The following TRIP11 variants were observed in gnomAD, a reference collection of about 807,000 sequenced individuals.
The protein encoded by TRIP11 is thyroid receptor-interacting protein 11.
A neutral mutation model predicts 223.1 loss-of-function variants in TRIP11; 148 were observed. The observed-to-expected ratio is 0.66, with a 90% CI of 0.58 to 0.76. The LOEUF (loss-of-function observed/expected upper bound fraction) is 0.76, where lower values mean the gene tolerates loss of function less well. Ranked by LOEUF, TRIP11 falls within the 30% of genes least tolerant of loss-of-function variation. TRIP11 has a pLI of 0.00. For synonymous variants in TRIP11, 762 were observed against 772.6 expected, an observed-to-expected ratio of 0.99 and a Z score of 0.23; for missense variants, 2,043 against 2,222.0, an observed-to-expected ratio of 0.92 and a Z score of 1.62.
rs1401535631 is a variant in TRIP11, at chr14:92,039,586, T to C, written c.100A>G (p.Thr34Ala). Residue 34 changes from threonine (T) to alanine (A), a missense_variant, in exon 1 of 21, where the codon ACA (threonine) becomes GCA (alanine). Transcript: ENST00000267622. ...GTGCCCTCCATCAGCATATCCTTTGTAAAGTTTGATATCTGGCCAGTGAGG... is the reference window on the plus strand; with the variant it reads ...GTGCCCTCCATCAGCATATCCTTTGCAAAGTTTGATATCTGGCCAGTGAGG... ...ASLTGQISNF[T>A]KDMLMEGTEE... is the part of the protein sequence containing the mutation. 6.2e-7 allele frequency: 1 copy of C among 1,613,758 alleles called. No individual in the cohort carries two copies. The highest frequency in any genetic ancestry group is 8.5e-7 in the Non-Finnish European group (1 of 1,179,940).
In TRIP11 at chr14:91,989,850, A is replaced by G. The variant is rs866816933; in HGVS notation, c.5161-1467T>C. On this transcript the variant is annotated intron_variant, in intron 15 of 20. Coordinates refer to ENST00000267622, the MANE Select transcript of TRIP11 (RefSeq NM_004239.4). ...CAGGGTTTAGCCTTCCCCCTAAAAA[A>G]GAAGAAATTCCTTCTTTGGACCGCA... Among the ~76,000 whole-genome samples, 96 of 152,320 alleles carry G rather than the reference A, an allele frequency of 6.3e-4. No homozygotes were observed. In the Middle Eastern group the frequency reaches 0.027, roughly 43 times the overall value.
At position 92,014,579 on chromosome 14, in the gene TRIP11, T is replaced by G; in HGVS notation, c.824-2A>C. The G allele has an allele frequency of 6.2e-7, 1 of 1,601,862 alleles. No homozygotes were observed. The highest frequency in any genetic ancestry group is 1.1e-5 in the South Asian group (1 of 89,904). ...CAGTTTCTATAACTCCAGAGCCACCTAGAACATAAACACAAAACAATGACA... is the reference window on the plus strand; with the variant it reads ...CAGTTTCTATAACTCCAGAGCCACCGAGAACATAAACACAAAACAATGACA... On this transcript the variant is annotated splice_acceptor_variant, in intron 6 of 20. Coordinates refer to ENST00000267622, the MANE Select transcript of TRIP11 (RefSeq NM_004239.4). LOFTEE classifies it high-confidence loss of function.
chr14:92,021,983 T>C (rs776987467), intron 3 of TRIP11, 152 bp from the exon 4 acceptor site: 47 of 777,690 alleles, frequency 6.0e-5, no homozygotes, highest in Non-Finnish European at 8.7e-5. Flanking sequence ...TTATATAACA[T>C]TCTAACCATA....
chr14:91,989,369 A>G (rs565820306), intron 15 of TRIP11, among the ~76,000 whole-genome samples: 1 of 152,068 alleles, frequency 6.6e-6, no homozygotes, highest in South Asian at 2.1e-4. Context: ...TGGTTTTATC[A>G]ACATCATTAA....
In TRIP11 at chr14:92,003,981, GCTCTAAGACA is replaced by G; in HGVS notation, c.3985_3994del (p.Cys1329GlnfsTer7). On this transcript the variant is annotated frameshift_variant, in exon 11 of 21. Coordinates refer to ENST00000267622, the MANE Select transcript of TRIP11 (RefSeq NM_004239.4). LOFTEE classifies it high-confidence loss of function. The stretch of plus-strand genomic sequence containing the variant: ...TTCACTCAATACTTCAGACTTACTT[GCTCTAAGACA>G]CTCTGCAGACTGGGGAGTAAGCAAT... 1.2e-6 allele frequency: 2 copies of G among 1,614,078 alleles called. No individual in the cohort carries two copies. Among genetic ancestry groups the G allele is most frequent in the Non-Finnish European group, 1.7e-6 (2 of 1,180,022 alleles).
rs150694723 is a variant in TRIP11, at chr14:92,004,233, T to C, written c.3743A>G (p.Gln1248Arg). Residue 1248 changes from glutamine to arginine, a missense_variant, in exon 11 of 21, where the codon CAA becomes CGA. Gln to Arg is a conservative substitution (Grantham distance 43, BLOSUM62 1). Transcript: ENST00000267622. The stretch of plus-strand genomic sequence containing the variant: ...GTCAACCAAAACCTGTGCTTGAAGT[T>C]GGTGAAGCTCTTCCTGAAGCTGGGC... ...ESAQLQEELH[Q>R]LQAQVLVDSD... 5.0e-5 allele frequency: 81 copies of C among 1,614,074 alleles called. No individual in the cohort carries two copies. The highest frequency in any genetic ancestry group is 3.3e-4 in the Middle Eastern group (2 of 6,084).
In TRIP11 at chr14:91,978,452, T is replaced by C. The variant is rs1311878980; in HGVS notation, c.5261-2263A>G. On this transcript the variant is annotated intron_variant, in intron 16 of 20. Transcript: ENST00000267622. The surrounding 1 kb of genome is among the most constrained non-coding windows in gnomAD (Gnocchi z 4.4). ...TCCTCTAAAATTAGTAATTTGTATA[T>C]TGATTACATGTCTATATAATAATTT... Among the ~76,000 whole-genome samples the C allele has an allele frequency of 6.6e-6, 1 of 152,208 alleles. No homozygotes were observed. Among genetic ancestry groups the C allele is most frequent in the Non-Finnish European group, 1.5e-5 (1 of 68,048 alleles).
In TRIP11 at chr14:91,966,976, T is replaced by C. The variant is rs772567099; in HGVS notation, c.*2697A>G. 6.9e-5 allele frequency: 14 copies of C among 201,808 alleles called. No individual in the cohort carries two copies. Among genetic ancestry groups the C allele is most frequent in the Non-Finnish European group, 1.4e-4 (14 of 98,208 alleles). The allele number at this position is 201,808 out of a possible 1,614,324, so 12.5% of individuals were successfully genotyped here. On this transcript the variant is annotated 3_prime_UTR_variant, in exon 21 of 21. Coordinates refer to ENST00000267622, the MANE Select transcript of TRIP11 (RefSeq NM_004239.4). ...ACATTAGAATTATATGCTTCATCAC[T>C]GGTTACTAAGACGGTTCAGTGAGCA...
intron 3 of TRIP11, among the ~76,000 whole-genome samples, chr14:92,024,313 G>A (rs2057153096): frequency 6.6e-6 from 1 of 150,840 alleles, no homozygotes; most frequent in South Asian, 2.1e-4. Flanking sequence ...AGAGGTTGCA[G>A]TGAGCCGAGA....
At chr14:91,972,535 A>T (rs1221708681) in intron 20 of TRIP11, among the ~76,000 whole-genome samples, 182 bp downstream of exon 20, 1 of 152,248 alleles carries the variant, frequency 6.6e-6, no homozygotes, top group African/African-American at 2.4e-5. Flanking sequence ...GATTGCTACA[A>T]GAATATATGA....
rs2140075418 is a variant in TRIP11, at chr14:91,968,093, A to G, written c.*1580T>C. The G allele has an allele frequency of 4.9e-6, 1 of 202,536 alleles. No individual in the cohort carries two copies. The highest frequency in any genetic ancestry group is 7.6e-5 in the East Asian group (1 of 13,108). The allele number at this position is 202,536 out of a possible 1,614,324, so 12.5% of individuals were successfully genotyped here. ...TTAAGACTTCCAGTCTTCCAAATAC[A>G]TTAGAAAGTACAGTTAATCACAGTA... On this transcript the variant is annotated 3_prime_UTR_variant, in exon 21 of 21. Coordinates refer to ENST00000267622, the MANE Select transcript of TRIP11 (RefSeq NM_004239.4).
intron 2 of TRIP11, among the ~76,000 whole-genome samples, chr14:92,031,095 T>G (rs1451356686): frequency 1.3e-5 from 2 of 151,622 alleles, no homozygotes; most frequent in African/African-American, 2.4e-5. Context: ...ACAAAAAATT[T>G]TATTTATTTA....
At chr14:92,032,057 C>T (rs910894969) in intron 2 of TRIP11, among the ~76,000 whole-genome samples, 1 of 152,184 alleles carries the variant, frequency 6.6e-6, no homozygotes, top group Non-Finnish European at 1.5e-5. Context: ...ACCTCCACCT[C>T]CCAAAGCGCT....
chr14:92,039,811 GGGTTCTCAGGCAAGGCCGACTCCA>G lies in TRIP11; in HGVS notation c.-150_-127del, dbSNP rs1165203635. The G allele has an allele frequency of 6.5e-7, 1 of 1,543,410 alleles. No individual in the cohort carries two copies. The highest frequency in any genetic ancestry group is 2.4e-5 in the East Asian group (1 of 40,860). The stretch of plus-strand genomic sequence containing the variant: ...AGACAGGATACGATAACACAAAGCT[GGGTTCTCAGGCAAGGCCGACTCCA>G]GGTTCTGCCTAGAAACGCAGAGGCC... On this transcript the variant is annotated 5_prime_UTR_variant, in exon 1 of 21. Transcript: ENST00000267622.
chr14:91,992,925 AAAAAAAAAAAAAAAAGACAAGTTTCTCCT>A lies in TRIP11; in HGVS notation c.5160+855_5160+883del, dbSNP rs1264755210. Among the ~76,000 whole-genome samples the A allele has an allele frequency of 2.8e-4, 40 of 144,546 alleles. No individual in the cohort carries two copies. In the South Asian group the frequency reaches 8.8e-3, roughly 32 times the overall value. The allele number at this position is 144,546 out of a possible 152,430, so 94.8% of individuals were successfully genotyped here. On this transcript the variant is annotated intron_variant, in intron 15 of 20. Transcript: ENST00000267622. ...CTCCGTCTCAAAAAAAAAAAAAAAA[AAAAAAAAAAAAAAAAGACAAGTTTCTCCT>A]AAATCTAAAAGCACGTTGTTTTGGT... is the stretch of plus-strand genomic sequence containing the variant.
Position 92,007,868 on chromosome 14 carries a change from G to GA in TRIP11, c.1315-17dup. 6.3e-7 allele frequency: 1 copy of GA among 1,583,320 alleles called. No individual in the cohort carries two copies. Among genetic ancestry groups the GA allele is most frequent in the Non-Finnish European group, 8.6e-7 (1 of 1,161,954 alleles). ...GAAGTTCTTCCTGAAATGATAAAAG[G>GA]AAAAAAGCAACACATACTTTCAATT... On this transcript the variant is annotated splice_polypyrimidine_tract_variant and intron_variant, in intron 9 of 20. Coordinates refer to ENST00000267622, the MANE Select transcript of TRIP11 (RefSeq NM_004239.4).
At chr14:92,038,776 A>C (rs1310625769) in intron 1 of TRIP11, among the ~76,000 whole-genome samples, 1 of 152,220 alleles carries the variant, frequency 6.6e-6, no homozygotes, top group Non-Finnish European at 1.5e-5. Context: ...TTTTGATCCA[A>C]ACATTGCTTA....
intron 5 of TRIP11, among the ~76,000 whole-genome samples, chr14:92,017,322 G>A (rs2057047030): frequency 6.6e-6 from 1 of 152,136 alleles, no homozygotes; most frequent in Admixed American, 6.6e-5. Context: ...CAGGAGGATG[G>A]CTTGAGGCTA....
chr14:92,031,299 A>G (rs1329510518), intron 2 of TRIP11, among the ~76,000 whole-genome samples: 1 of 151,862 alleles, frequency 6.6e-6, no homozygotes, highest in Admixed American at 6.6e-5. Flanking sequence ...TTGTATTTTT[A>G]GTAGAGACAG....
Sources: gnomAD v4.1 joint callset for allele counts (sites outside exome capture counted in the v4.1 genomes callset) on GRCh38, gnomAD v4.1.1 for gene constraint, Gnocchi (gnomAD v3.1) non-coding constraint, MANE v1.5 for transcripts, NCBI Gene and HGNC (gene_info 2026-07-23, HGNC 2026-07-21) for gene names.